Variants in HEXB observed in about 807,000 individuals in gnomAD.
The protein encoded by HEXB is beta-hexosaminidase subunit beta.
HEXB carries 51 observed loss-of-function variants against 71.2 expected under a neutral mutation model. The observed-to-expected ratio is 0.72, with a 90% CI of 0.57 to 0.90. The LOEUF is 0.90. HEXB is among the 40% of genes least tolerant of loss of function. HEXB has a pLI of 0.00. For synonymous variants in HEXB, 266 were observed against 249.3 expected, an observed-to-expected ratio of 1.07 and a Z score of -0.63; for missense variants, 617 against 677.0, an observed-to-expected ratio of 0.91 and a Z score of 0.98.
chr5:74,709,119 G>T (rs894761890), intron 6 of HEXB, among the ~76,000 whole-genome samples: 2 of 152,210 alleles, frequency 1.3e-5, no homozygotes, highest in African/African-American at 4.8e-5. Flanking sequence ...AATCAAGCTA[G>T]AACTCAGGAT....
chr5:74,650,331 C>T lies in HEXB; in HGVS notation c.-377+9773C>T, dbSNP rs573811465. ...ACACTGAACTTTTAGAGGACAGATG[C>T]TAAACACACAAAAACATATCCCTGT... On this transcript the variant is annotated intron_variant, in intron 1 of 13. Coordinates refer to the HEXB transcript ENST00000511181. Among the ~76,000 whole-genome samples the T allele has an allele frequency of 2.6e-5, 4 of 152,264 alleles. No homozygotes were observed. In the South Asian group the frequency reaches 8.3e-4, roughly 32 times the overall value.
rs748881590 is a variant in HEXB at position 74,721,186 on chromosome 5, G to A, written c.*11G>A. On this transcript the variant is annotated 3_prime_UTR_variant, in exon 14 of 14. Coordinates refer to ENST00000261416, the MANE Select transcript of HEXB (RefSeq NM_000521.4). ...CATGAGAACATGTAAAAAATGGAGG[G>A]GAAAAAGGCCACAGCAATCTGTACT... The A allele has an allele frequency of 3.1e-6, 5 of 1,606,108 alleles. No homozygotes were observed. The highest frequency in any genetic ancestry group is 1.1e-5 in the South Asian group (1 of 90,914).
upstream of HEXB, among the ~76,000 whole-genome samples, chr5:74,680,435 G>C (rs969493282): frequency 6.6e-6 from 1 of 152,154 alleles, no homozygotes; most frequent in Non-Finnish European, 1.5e-5. Context: ...CACACTAAGA[G>C]GAACTGTACT....
intron 1 of HEXB, among the ~76,000 whole-genome samples, 175 bp downstream of exon 1, chr5:74,685,734 C>T (rs562523969): frequency 1.4e-4 from 21 of 152,278 alleles, no homozygotes; most frequent in Admixed American, 6.5e-4. Flanking sequence ...CCCCACCCTC[C>T]TACTGCTTCT....
chr5:74,647,432 T>C (rs10474421), intron 1 of HEXB, among the ~76,000 whole-genome samples: 25,771 of 152,230 alleles, frequency 0.17, 2,941 homozygotes, highest in African/African-American at 0.32. Flanking sequence ...TTACTGCTTA[T>C]AGCTCAGCTT....
At chr5:74,661,161 C>T (rs745595113) in intron 1 of HEXB, among the ~76,000 whole-genome samples, 80 of 152,184 alleles carry the variant, frequency 5.3e-4, no homozygotes, top group Non-Finnish European at 9.4e-4. Context: ...GATGACAAGC[C>T]CAGAGCTATA....
chr5:74,684,444 C>G (rs1389909409), upstream of HEXB, among the ~76,000 whole-genome samples: 2 of 152,206 alleles, frequency 1.3e-5, no homozygotes, highest in Non-Finnish European at 2.9e-5. Flanking sequence ...TTGACCACAG[C>G]TGAAGTGCTG....
intron 6 of HEXB, chr5:74,705,583 T>C (rs942711672): frequency 1.1e-5 from 5 of 437,536 alleles, no homozygotes; most frequent in Admixed American, 1.1e-4. Context: ...GTAGAAGCCC[T>C]GAATAATTCT....
At chr5:74,672,843 T>G (rs1580370926) in intron 1 of HEXB, among the ~76,000 whole-genome samples, 2 of 152,182 alleles carry the variant, frequency 1.3e-5, no homozygotes, top group Non-Finnish European at 2.9e-5. Flanking sequence ...GGAAGGAAGG[T>G]TAAGAAGGAC....
At chr5:74,670,037 C>T (rs1748503623) in intron 1 of HEXB, among the ~76,000 whole-genome samples, 1 of 152,120 alleles carries the variant, frequency 6.6e-6, no homozygotes, top group Admixed American at 6.5e-5. Context: ...GACCTTCAAA[C>T]CAAAGAGAGT....
At chr5:74,678,586 A>T (rs977105174) in intron 1 of HEXB, among the ~76,000 whole-genome samples, 1 of 152,110 alleles carries the variant, frequency 6.6e-6, no homozygotes, top group Admixed American at 6.5e-5. Flanking sequence ...GGAATAAAGC[A>T]TACAATTCAA....
chr5:74,715,386 A>G (rs1170012488), intron 7 of HEXB, 124 bp from the exon 8 acceptor site: 1 of 702,356 alleles, frequency 1.4e-6, no homozygotes, highest in South Asian at 1.8e-5. Flanking sequence ...CTTAGTAAAC[A>G]TGTTCATCTT....
intron 1 of HEXB, among the ~76,000 whole-genome samples, chr5:74,667,414 T>G (rs1460258573): frequency 1.3e-5 from 2 of 150,530 alleles, no homozygotes; most frequent in Non-Finnish European, 3.0e-5. Flanking sequence ...AGCAAAACTC[T>G]CTCAAAAAAA....
intron 1 of HEXB, among the ~76,000 whole-genome samples, chr5:74,659,534 G>A (rs1246342484): frequency 6.6e-6 from 1 of 152,130 alleles, no homozygotes; most frequent in Non-Finnish European, 1.5e-5. Flanking sequence ...AGACATGAAA[G>A]TAGAAAGAAA....
intron 1 of HEXB, among the ~76,000 whole-genome samples, chr5:74,663,193 G>T (rs890747691): frequency 1.5e-5 from 2 of 131,876 alleles, no homozygotes; most frequent in East Asian, 4.0e-4. Flanking sequence ...CTTTTTTTTG[G>T]GGGGGTGGAG....
chr5:74,640,110 G>A (rs561651660), exon 1 of HEXB: 1 of 152,348 alleles, frequency 6.6e-6, no homozygotes, highest in Admixed American at 6.5e-5. Flanking sequence ...CTCCGGCGAT[G>A]CCCGGCTTCT....
chr5:74,649,913 T>A (rs6874600), intron 1 of HEXB, among the ~76,000 whole-genome samples: 23,787 of 152,214 alleles, frequency 0.16, 2,379 homozygotes, highest in African/African-American at 0.28. Context: ...GAAGCACTGT[T>A]TCCCCAACTA....
upstream of HEXB, among the ~76,000 whole-genome samples, chr5:74,682,876 G>A (rs820866): frequency 0.53 from 81,167 of 152,040 alleles, 22,061 homozygotes; most frequent in Non-Finnish European, 0.57. Context: ...TAACAAAAGA[G>A]CAGATTAACA....
rs927068580 is a variant in HEXB, at chr5:74,708,298, C to T, written c.771+2978C>T. Reference sequence around the variant, plus strand: ...AAGAGCTCCTGAAGGAAGCACTAAACATGGAAAGGAACAACCAGTACCAGC... The same window carrying T: ...AAGAGCTCCTGAAGGAAGCACTAAATATGGAAAGGAACAACCAGTACCAGC... On this transcript the variant is annotated intron_variant, in intron 6 of 13. Coordinates refer to ENST00000261416, the MANE Select transcript of HEXB (RefSeq NM_000521.4). Among the ~76,000 whole-genome samples the T allele has an allele frequency of 9.9e-5, 15 of 152,000 alleles. 1 individual carries two copies. Among genetic ancestry groups the T allele is most frequent in the Admixed American group, 7.2e-4 (11 of 15,254 alleles).
Sources: allele counts gnomAD v4.1 joint callset (sites outside exome capture counted in the v4.1 genomes callset), GRCh38; gene constraint gnomAD v4.1.1; transcripts MANE v1.5; gene names NCBI Gene and HGNC (gene_info 2026-07-23, HGNC 2026-07-21).